The following SLC14A2 variants were observed in gnomAD, a reference collection of about 807,000 sequenced individuals.
SLC14A2 encodes solute carrier family 14 member 2.
SLC14A2 carries 91 observed loss-of-function variants against 104.6 expected under a neutral mutation model. That is an observed-to-expected ratio of 0.87 (90% CI 0.73 to 1.04). SLC14A2 has a LOEUF of 1.04. SLC14A2 is among the 50% of genes least tolerant of loss of function. The pLI is 0.00. For missense variants in SLC14A2, 1,189 were observed against 1,156.0 expected (o/e 1.03, Z -0.41); for synonymous variants, 476 against 466.4 (o/e 1.02, Z -0.27).
intron 2 of SLC14A2, among the ~76,000 whole-genome samples, chr18:45,536,198 G>C (rs1228929683): frequency 2.6e-5 from 4 of 152,212 alleles, no homozygotes; most frequent in African/African-American, 4.8e-5. Context: ...CCAGCAATCT[G>C]TTAATGCTGA....
At chr18:45,506,183 C>T (rs533523165) in intron 2 of SLC14A2, among the ~76,000 whole-genome samples, 1 of 152,278 alleles carries the variant, frequency 6.6e-6, no homozygotes, top group South Asian at 2.1e-4. Flanking sequence ...ACTGAGGCCC[C>T]GTCCTCAAGT....
At chr18:45,660,099 C>T (rs572276022) in intron 10 of SLC14A2, among the ~76,000 whole-genome samples, 24 of 152,256 alleles carry the variant, frequency 1.6e-4, no homozygotes, top group Admixed American at 9.2e-4. Flanking sequence ...TACCATTGCA[C>T]TCCAGCCTGG....
At chr18:45,251,517 A>G (rs946272330) in intron 1 of SLC14A2, among the ~76,000 whole-genome samples, 3 of 152,212 alleles carry the variant, frequency 2.0e-5, no homozygotes, top group African/African-American at 4.8e-5. Context: ...AAAAAAACAC[A>G]TACTGAATGG....
chr18:45,224,560 A>G (rs12606816), intron 1 of SLC14A2, among the ~76,000 whole-genome samples: 48,209 of 152,032 alleles, frequency 0.32, 8,239 homozygotes, highest in African/African-American at 0.45. Flanking sequence ...TTGGTCTTCA[A>G]TGAGTGCTGC....
At chr18:45,269,620 C>T (rs1193972221) in intron 1 of SLC14A2, among the ~76,000 whole-genome samples, 2 of 152,178 alleles carry the variant, frequency 1.3e-5, no homozygotes, top group Admixed American at 1.3e-4. Flanking sequence ...CACCTCTGCA[C>T]TACCTTCGAG....
the SLC14A2 span, among the ~76,000 whole-genome samples, chr18:45,178,476 A>G: frequency 6.6e-6 from 1 of 152,180 alleles, no homozygotes; most frequent in Non-Finnish European, 1.5e-5. Flanking sequence ...AATTTAGAGA[A>G]CACCTGAGAA....
intron 1 of SLC14A2, among the ~76,000 whole-genome samples, chr18:45,403,174 T>C (rs1186943165): frequency 6.6e-6 from 1 of 152,206 alleles, no homozygotes; most frequent in Non-Finnish European, 1.5e-5. Context: ...TCCTCGTATG[T>C]TCTTTCTTCT....
At chr18:45,668,243 A>G in intron 14 of SLC14A2, 106 bp from the exon 15 acceptor site, 1 of 1,451,848 alleles carries the variant, frequency 6.9e-7, no homozygotes, top group Non-Finnish European at 9.4e-7. Flanking sequence ...GGTCTATTTG[A>G]AGGCGTGTGT....
intron 1 of SLC14A2, among the ~76,000 whole-genome samples, chr18:45,349,502 C>T (rs919061288): frequency 2.6e-5 from 4 of 152,160 alleles, no homozygotes; most frequent in Non-Finnish European, 5.9e-5. Context: ...GAATATATGT[C>T]AATGGGCTTC....
intron 1 of SLC14A2, among the ~76,000 whole-genome samples, chr18:45,396,633 G>GTTTTT (rs1568181914): frequency 8.1e-6 from 1 of 123,628 alleles, no homozygotes; most frequent in African/African-American, 3.7e-5. Context: ...TTTTGTTTTT[G>GTTTTT]TTTTTTTTCT....
chr18:45,306,948 A>AC (rs1328004756), intron 1 of SLC14A2, among the ~76,000 whole-genome samples: 1 of 152,162 alleles, frequency 6.6e-6, no homozygotes, highest in Non-Finnish European at 1.5e-5. Context: ...ACAAACTGGA[A>AC]CTAGGGCAAA....
At chr18:45,585,217 C>G (rs1447570296) in intron 2 of SLC14A2, among the ~76,000 whole-genome samples, 1 of 152,138 alleles carries the variant, frequency 6.6e-6, no homozygotes, top group African/African-American at 2.4e-5. Context: ...ATCTCATTCA[C>G]AGGACACCTT....
intron 2 of SLC14A2, among the ~76,000 whole-genome samples, chr18:45,518,908 T>C (rs1480151779): frequency 6.6e-6 from 1 of 152,204 alleles, no homozygotes; most frequent in Non-Finnish European, 1.5e-5. Context: ...ATGTGTCCAC[T>C]GTGATTCTGG....
chr18:45,518,124 T>A (rs1225003261), intron 2 of SLC14A2, among the ~76,000 whole-genome samples: 1 of 152,182 alleles, frequency 6.6e-6, no homozygotes, highest in Non-Finnish European at 1.5e-5. Flanking sequence ...CCAATTGCAA[T>A]CCTATTCTGT....
the SLC14A2 span, among the ~76,000 whole-genome samples, chr18:45,170,206 A>T: frequency 1.3e-5 from 2 of 152,116 alleles, no homozygotes; most frequent in Non-Finnish European, 2.9e-5. Context: ...TAGTTAGACC[A>T]GATTCCTAGA....
intron 2 of SLC14A2, among the ~76,000 whole-genome samples, chr18:45,565,454 A>G (rs1007785363): frequency 5.3e-5 from 8 of 152,204 alleles, no homozygotes; most frequent in African/African-American, 1.7e-4. Flanking sequence ...GTGAGCATGC[A>G]TGTGCATATG....
chr18:45,445,001 G>A (rs2086741997), intron 1 of SLC14A2, among the ~76,000 whole-genome samples: 1 of 151,846 alleles, frequency 6.6e-6, no homozygotes, highest in South Asian at 2.1e-4. Flanking sequence ...ATGAATTAAT[G>A]AGTGAATGGA....
intron 1 of SLC14A2, among the ~76,000 whole-genome samples, chr18:45,295,929 G>A (rs747886593): frequency 6.6e-6 from 1 of 152,100 alleles, no homozygotes; most frequent in East Asian, 1.9e-4. Context: ...AGGCTGTTGT[G>A]AGCATAAATA....
At chr18:45,641,447 A>T in intron 8 of SLC14A2, 104 bp downstream of exon 8, 2 of 1,340,654 alleles carry the variant, frequency 1.5e-6, no homozygotes, top group Non-Finnish European at 2.1e-6. Flanking sequence ...TTCAGCAGTG[A>T]CAGAAAGGCC....
Sources: allele counts gnomAD v4.1 joint callset (sites outside exome capture counted in the v4.1 genomes callset), GRCh38; gene constraint gnomAD v4.1.1; transcripts MANE v1.5; gene names NCBI Gene and HGNC (gene_info 2026-07-23, HGNC 2026-07-21).